The following ALMS1 variants were observed in gnomAD, a reference collection of about 807,000 sequenced individuals.
ALMS1 encodes the protein centrosome-associated protein ALMS1.
ALMS1 carries 271 observed loss-of-function variants against 352.2 expected under a neutral mutation model. The ratio of observed to expected loss-of-function variants is 0.77; its 90% CI spans 0.70 to 0.85. The LOEUF (loss-of-function observed/expected upper bound fraction) is 0.85, where lower values mean the gene tolerates loss of function less well. Among genes scored for constraint, ALMS1 ranks in the 40% least tolerant of loss-of-function variants. ALMS1 has a pLI of 0.00. For synonymous variants in ALMS1, 1,865 were observed against 1,761.2 expected (o/e 1.06, Z -1.48); for missense variants, 5,445 against 4,870.7 (o/e 1.12, Z -3.51).
At position 73,586,050 on chromosome 2, in the gene ALMS1, G is replaced by A. The variant is rs568981236; in HGVS notation, c.11547+12626G>A. ...GCTGGGATTACAGACATGAACCATCGCACCTAGCCCATTTGTATATCTTCT... is the reference window on the plus strand; with the variant it reads ...GCTGGGATTACAGACATGAACCATCACACCTAGCCCATTTGTATATCTTCT... On this transcript the variant is annotated intron_variant, in intron 16 of 22. Coordinates refer to ENST00000613296, the MANE Select transcript of ALMS1 (RefSeq NM_001378454.1). 3.3e-5 allele frequency among the ~76,000 whole-genome samples: 5 copies of A among 152,114 alleles called. No homozygotes were observed. In the East Asian group the frequency reaches 5.8e-4, roughly 18 times the overall value.
intron 10 of ALMS1, among the ~76,000 whole-genome samples, chr2:73,504,023 A>G (rs1271909138): frequency 1.3e-5 from 2 of 152,206 alleles, no homozygotes; most frequent in Admixed American, 6.5e-5. Context: ...TCAGTGAGTT[A>G]TGATCAATTT....
intron 9 of ALMS1, among the ~76,000 whole-genome samples, chr2:73,486,814 C>G (rs1672858229): frequency 1.3e-5 from 2 of 152,172 alleles, no homozygotes; most frequent in Non-Finnish European, 2.9e-5. Flanking sequence ...TTTGGGGAGG[C>G]TGAGGCAGGA....
In ALMS1 at chr2:73,534,947, C is replaced by T. The variant is rs1673996095; in HGVS notation, c.9905C>T (p.Ser3302Leu). 1 of 1,613,554 alleles carries T rather than the reference C, an allele frequency of 6.2e-7. No homozygotes were observed. Among genetic ancestry groups the T allele is most frequent in the Non-Finnish European group, 8.5e-7 (1 of 1,179,726 alleles). The change falls in exon 12 of 23, where the codon TCA (serine) becomes TTA (leucine). Residue 3302 changes from serine to leucine, a missense_variant and splice_region_variant. Ser to Leu is a moderately radical substitution (Grantham distance 145, BLOSUM62 -2). Transcript: ENST00000613296. ...GATACCACCGTTGAAAGCTCCCATT[C>T]AGGTATTATGCAGAAATTATTCGAA... ...KSDTTVESSH[S>L]GSNDAIAPDF...
chr2:73,480,188 C>T (rs1482503533), intron 9 of ALMS1, among the ~76,000 whole-genome samples: 4 of 151,952 alleles, frequency 2.6e-5, no homozygotes, highest in African/African-American at 9.7e-5. Context: ...AACTTGTCAT[C>T]TAGCATTAGG....
chr2:73,557,428 A>G, intron 14 of ALMS1, 74 bp downstream of exon 14: 13 of 1,585,292 alleles, frequency 8.2e-6, no homozygotes, highest in Non-Finnish European at 1.0e-5. Context: ...TAAGAACAGA[A>G]ACAGAAATAT....
chr2:73,608,379 T>A (rs1675865380), intron 21 of ALMS1, 96 bp from the exon 22 acceptor site: 1 of 951,470 alleles, frequency 1.1e-6, no homozygotes, highest in Non-Finnish European at 1.7e-6. Context: ...TCCTGGAGAG[T>A]GGGAGGTATA....
chr2:73,451,174 A>AGTT lies in ALMS1; in HGVS notation c.4648_4650dup (p.Val1550dup), dbSNP rs1313082366. ...GTCAAATACCTGAAGAGGCTCTCAG[A>AGTT]GTTTCTTCTGCTCCTGGACCAGCTG... On this transcript the variant is annotated inframe_insertion, in exon 8 of 23. Transcript: ENST00000613296. The AGTT allele has an allele frequency of 6.2e-7, 1 of 1,613,758 alleles. No homozygotes were observed. Among genetic ancestry groups the AGTT allele is most frequent in the East Asian group, 2.2e-5 (1 of 44,874 alleles).
chr2:73,535,233 G>A (rs1674002727), intron 12 of ALMS1, among the ~76,000 whole-genome samples: 1 of 152,116 alleles, frequency 6.6e-6, no homozygotes, highest in Non-Finnish European at 1.5e-5. Flanking sequence ...AGTACCCTTA[G>A]TTGTTTCACT....
intron 12 of ALMS1, among the ~76,000 whole-genome samples, chr2:73,540,803 C>G (rs1674159195): frequency 2.6e-5 from 4 of 152,190 alleles, no homozygotes; most frequent in Admixed American, 1.3e-4. Context: ...GTAAAGGGAT[C>G]AATTCAACAA....
chr2:73,442,263 A>AT (rs1319884101), intron 7 of ALMS1, among the ~76,000 whole-genome samples: 2 of 152,114 alleles, frequency 1.3e-5, no homozygotes, highest in Non-Finnish European at 2.9e-5. Context: ...AGATTTTTGG[A>AT]TTAGGTATGC....
intron 1 of ALMS1, among the ~76,000 whole-genome samples, chr2:73,388,923 T>C (rs1274402300): frequency 6.6e-6 from 1 of 152,158 alleles, no homozygotes; most frequent in East Asian, 1.9e-4. Context: ...AGATGTCTTT[T>C]TGATGAAATG....
At chr2:73,543,539 T>C (rs991624958) in intron 12 of ALMS1, among the ~76,000 whole-genome samples, 15 of 152,210 alleles carry the variant, frequency 9.9e-5, no homozygotes, top group African/African-American at 3.4e-4. Context: ...ACTAAAGAGC[T>C]TCTGCACAGT....
At chr2:73,468,878 A>G (rs1046135992) in intron 9 of ALMS1, among the ~76,000 whole-genome samples, 2 of 151,976 alleles carry the variant, frequency 1.3e-5, no homozygotes, top group African/African-American at 4.8e-5. Flanking sequence ...ATGTTCAGAT[A>G]CAATTCCAAA....
At chr2:73,508,438 C>A (rs891608842) in intron 10 of ALMS1, among the ~76,000 whole-genome samples, 1 of 151,964 alleles carries the variant, frequency 6.6e-6, no homozygotes, top group South Asian at 2.1e-4. Context: ...ATCTCCTGAC[C>A]TTGTGATCCA....
In ALMS1 at chr2:73,519,721, A is replaced by G. The variant is rs1040718892; in HGVS notation, c.9540-54A>G. 105 of 1,610,450 alleles carry G rather than the reference A, an allele frequency of 6.5e-5. No homozygotes were observed. The African/African-American group carries it at 1.3e-3, about 20-fold the overall frequency. ...GAAACCACTTTTGGAAAGAGATTTC[A>G]GTCTCTAATGGCCAAGGATATAATC... On this transcript the variant is annotated intron_variant, in intron 10 of 22. Coordinates refer to ENST00000613296, the MANE Select transcript of ALMS1 (RefSeq NM_001378454.1).
At position 73,424,770 on chromosome 2, in the gene ALMS1, G is replaced by A. The variant is rs778946969; in HGVS notation, c.1105G>A (p.Val369Ile). The A allele has an allele frequency of 6.2e-7, 1 of 1,613,812 alleles. No homozygotes were observed. Among genetic ancestry groups the A allele is most frequent in the Non-Finnish European group, 8.5e-7 (1 of 1,179,792 alleles). ...TTTAGCTGATAAAGATCAAGTTTCAGTTGCAACTTCATTTGACATAACTGA... is the reference window on the plus strand; with the variant it reads ...TTTAGCTGATAAAGATCAAGTTTCAATTGCAACTTCATTTGACATAACTGA... The part of the protein sequence containing the change: ...NNLADKDQVS[V>I]ATSFDITDEN... Residue 369 changes from valine to isoleucine, a missense_variant, in exon 5 of 23, where the codon GTT becomes ATT. Val to Ile is a conservative substitution (Grantham distance 29). Coordinates refer to ENST00000613296, the MANE Select transcript of ALMS1 (RefSeq NM_001378454.1).
At chr2:73,502,666 TC>T (rs1402461746) in intron 10 of ALMS1, among the ~76,000 whole-genome samples, 1 of 152,168 alleles carries the variant, frequency 6.6e-6, no homozygotes, top group Non-Finnish European at 1.5e-5. Context: ...ACATGTTTTC[TC>T]CTTTTTTCTA....
In ALMS1 at chr2:73,454,054, G is replaced by C; in HGVS notation, c.7527G>C (p.Arg2509=). 1 of 1,610,786 alleles carries C rather than the reference G, an allele frequency of 6.2e-7. No individual in the cohort carries two copies. The highest frequency in any genetic ancestry group is 8.5e-7 in the Non-Finnish European group (1 of 1,178,450). The change falls in exon 8 of 23, where the codon CGG becomes CGC. Residue 2509 remains arginine, a synonymous_variant. Coordinates refer to ENST00000613296, the MANE Select transcript of ALMS1 (RefSeq NM_001378454.1). Reference sequence around the variant, plus strand: ...GAAATGCAGAGGAAGAGGAAAGCCGGGTACGAGCACATGGTAAGAAGAAAG... The same window carrying C: ...GAAATGCAGAGGAAGAGGAAAGCCGCGTACGAGCACATGGTAAGAAGAAAG... The part of the protein sequence containing the change: ...ILRNAEEEES[R]VRAHAWNMKF...
chr2:73,405,193 T>C (rs1428516668), intron 1 of ALMS1, among the ~76,000 whole-genome samples: 1 of 151,992 alleles, frequency 6.6e-6, no homozygotes, highest in East Asian at 1.9e-4. Flanking sequence ...GGATTACAGG[T>C]GTGAGCCACT....
Sources: gnomAD v4.1 joint callset for allele counts (sites outside exome capture counted in the v4.1 genomes callset) on GRCh38, gnomAD v4.1.1 for gene constraint, MANE v1.5 for transcripts, NCBI Gene and HGNC (gene_info 2026-07-23, HGNC 2026-07-21) for gene names.